Variants in PGPEP1 observed in about 807,000 individuals in gnomAD.
PGPEP1 encodes the protein pyroglutamyl-peptidase I, also known as pyroglutamyl-peptidase 1.
PGPEP1 carries 15 observed loss-of-function variants against 24.1 expected under a neutral mutation model. That is an observed-to-expected ratio of 0.62 (90% CI 0.42 to 0.96). PGPEP1 has a LOEUF of 0.96. Ranked by LOEUF, PGPEP1 falls within the 40% of genes least tolerant of loss-of-function variation. PGPEP1 has a pLI of 0.00. For missense variants in PGPEP1, 242 were observed against 273.4 expected (o/e 0.89, Z 0.81); for synonymous variants, 122 against 116.4 (o/e 1.05, Z -0.31).
At chr19:18,361,684 C>T (rs1240200688) in intron 4 of PGPEP1, 2 of 976,198 alleles carry the variant, frequency 2.0e-6, no homozygotes, top group African/African-American at 3.5e-5. Context: ...CTCTCTTTTT[C>T]CATAGCGGTC....
At chr19:18,361,386 G>A (rs1359547690) in intron 4 of PGPEP1, among the ~76,000 whole-genome samples, 3 of 151,972 alleles carry the variant, frequency 2.0e-5, no homozygotes, top group South Asian at 2.1e-4. Flanking sequence ...TGATCCACCC[G>A]CCTTGGCCTT....
chr19:18,340,870 G>A (rs540272440), intron 1 of PGPEP1, among the ~76,000 whole-genome samples, 155 bp downstream of exon 1: 53 of 152,318 alleles, frequency 3.5e-4, no homozygotes, highest in African/African-American at 1.2e-3. Context: ...CAGGCTTCCT[G>A]GAAAGTGGAG....
At position 18,340,645 on chromosome 19, in the gene PGPEP1, C is replaced by G; in HGVS notation, c.-37C>G. 6.6e-7 allele frequency: 1 copy of G among 1,525,546 alleles called. No individual in the cohort carries two copies. The highest frequency in any genetic ancestry group is 8.8e-7 in the Non-Finnish European group (1 of 1,140,186). The allele number at this position is 1,525,546 out of a possible 1,614,324, so 94.5% of individuals were successfully genotyped here. A position where few individuals can be genotyped will look rare whatever the true frequency, so the allele number is the denominator to read the frequency against. On this transcript the variant is annotated 5_prime_UTR_variant, in exon 1 of 5. Transcript: ENST00000269919. ...GCGGCAGCAGCTGTCGCGCCAGTCGCAACAGAAGCAGGTCCGAGGCACAGC... is the reference window on the plus strand; with the variant it reads ...GCGGCAGCAGCTGTCGCGCCAGTCGGAACAGAAGCAGGTCCGAGGCACAGC...
intron 4 of PGPEP1, among the ~76,000 whole-genome samples, chr19:18,362,076 G>A (rs1338702431): frequency 1.3e-5 from 2 of 152,086 alleles, no homozygotes; most frequent in African/African-American, 4.8e-5. Context: ...GTACTTTCTT[G>A]TACCCTTGTG....
At chr19:18,342,776 T>TCCAGGTGGGAGTAGCGGCCAGG (rs1219098337) in intron 1 of PGPEP1, 83 bp from the exon 2 acceptor site, 2 of 1,057,760 alleles carry the variant, frequency 1.9e-6, no homozygotes, top group Non-Finnish European at 2.9e-6. Flanking sequence ...TTCTTGCTTC[T>TCCAGGTGGGAGTAGCGGCCAGG]CCAGGTGGGA....
At chr19:18,345,793 G>A (rs143708868) in intron 2 of PGPEP1, among the ~76,000 whole-genome samples, 453 of 151,114 alleles carry the variant, frequency 3.0e-3, no homozygotes, top group African/African-American at 9.1e-3. Context: ...TAATCCTAGC[G>A]CTTTGGAAGG....
intron 2 of PGPEP1, among the ~76,000 whole-genome samples, chr19:18,351,722 C>T (rs931566081): frequency 9.2e-5 from 14 of 151,700 alleles, no homozygotes; most frequent in South Asian, 4.2e-4. Context: ...GTGGGAGGAT[C>T]GCTTGAGTCT....
chr19:18,363,363 C>T, intron 4 of PGPEP1, 28 bp from the exon 5 acceptor site: 2 of 1,588,870 alleles, frequency 1.3e-6, no homozygotes, highest in Non-Finnish European at 8.6e-7. Context: ...TTTGGTCTCT[C>T]TCTTACCCGC....
In PGPEP1 at chr19:18,345,556, C is replaced by CT. The variant is rs1016761373; in HGVS notation, c.87+2646dup. ...TGGCCAACATAGCAAGACCCCATCT[C>CT]TAAAAAAAAAAAAATACAAACAGCC... On this transcript the variant is annotated intron_variant, in intron 2 of 4. Transcript: ENST00000269919. Among the ~76,000 whole-genome samples, 33 of 147,406 alleles carry CT rather than the reference C, an allele frequency of 2.2e-4. 1 individual carries two copies. Among genetic ancestry groups the CT allele is most frequent in the Middle Eastern group, 3.4e-3 (1 of 290 alleles).
At position 18,352,865 on chromosome 19, in the gene PGPEP1, T is replaced by C. The variant is rs560042799; in HGVS notation, c.88-3030T>C. Among the ~76,000 whole-genome samples, 32 of 151,752 alleles carry C rather than the reference T, an allele frequency of 2.1e-4. No homozygotes were observed. The South Asian group carries it at 6.7e-3, about 32-fold the overall frequency. On this transcript the variant is annotated intron_variant, in intron 2 of 4. Coordinates refer to ENST00000269919, the MANE Select transcript of PGPEP1 (RefSeq NM_017712.4). ...GCCACCGTACTCAGCCACCTCTCAC[T>C]ATTATTCAACTTTTTCTGGGATACT...
rs909172535 is a variant in PGPEP1, at chr19:18,367,991, G to T, written c.*4408G>T. ...AGAAATTAAAAAAAAAAATTAGCCA[G>T]TTGTGGTGTCAAGCACCTGTAGTCC... On this transcript the variant is annotated 3_prime_UTR_variant, in exon 5 of 5. Transcript: ENST00000269919. 6.6e-6 allele frequency: 1 copy of T among 151,838 alleles called. No individual in the cohort carries two copies. Among genetic ancestry groups the T allele is most frequent in the African/African-American group, 2.4e-5 (1 of 41,270 alleles). The allele number at this position is 151,838 out of a possible 1,614,324, so 9.4% of individuals were successfully genotyped here. A position where few individuals can be genotyped will look rare whatever the true frequency, so the allele number is the denominator to read the frequency against.
chr19:18,342,285 C>A (rs1970692831), intron 1 of PGPEP1, among the ~76,000 whole-genome samples: 1 of 152,162 alleles, frequency 6.6e-6, no homozygotes, highest in Non-Finnish European at 1.5e-5. Context: ...CCTCTCTGTG[C>A]CTCAGTCCCT....
intron 2 of PGPEP1, among the ~76,000 whole-genome samples, chr19:18,353,452 C>T (rs368389104): frequency 6.6e-6 from 1 of 152,160 alleles, no homozygotes; most frequent in East Asian, 1.9e-4. Context: ...TAAAGCAATC[C>T]TCCTGCCTTG....
intron 4 of PGPEP1, among the ~76,000 whole-genome samples, chr19:18,359,067 C>T (rs1272590200): frequency 6.6e-6 from 1 of 151,936 alleles, no homozygotes; most frequent in Non-Finnish European, 1.5e-5. Context: ...GCAGGAGGAT[C>T]GCTTGAGCCC....
At chr19:18,352,508 G>C (rs913516333) in intron 2 of PGPEP1, among the ~76,000 whole-genome samples, 1 of 151,524 alleles carries the variant, frequency 6.6e-6, no homozygotes, top group Admixed American at 6.6e-5. Flanking sequence ...ATGGGAATTA[G>C]TGTAGGTTTG....
chr19:18,343,002 A>AAT, intron 2 of PGPEP1, 91 bp downstream of exon 2: 4 of 952,006 alleles, frequency 4.2e-6, no homozygotes, highest in Non-Finnish European at 6.6e-6. Flanking sequence ...TTTAACAAAA[A>AAT]CTTTTTTTTT....
In PGPEP1 at chr19:18,340,650, G is replaced by T. The variant is rs747036516; in HGVS notation, c.-32G>T. ...AGCAGCTGTCGCGCCAGTCGCAACA[G>T]AAGCAGGTCCGAGGCACAGCCCGAT... On this transcript the variant is annotated 5_prime_UTR_variant, in exon 1 of 5. Transcript: ENST00000269919. 1.4e-5 allele frequency: 22 copies of T among 1,531,812 alleles called. No homozygotes were observed. The Middle Eastern group carries it at 5.8e-4, about 40-fold the overall frequency. 94.9% of individuals were successfully genotyped at this position (1,531,812 alleles called of 1,614,324 possible).
intron 2 of PGPEP1, among the ~76,000 whole-genome samples, chr19:18,349,679 C>G (rs1408040552): frequency 6.6e-6 from 1 of 152,158 alleles, no homozygotes; most frequent in African/African-American, 2.4e-5. Flanking sequence ...ATAGAAGTCT[C>G]CCTCCCGTCC....
In PGPEP1 at chr19:18,368,293, T is replaced by C. The variant is rs1224943356; in HGVS notation, c.*4710T>C. The C allele has an allele frequency of 6.6e-6, 1 of 151,284 alleles. No homozygotes were observed. Among genetic ancestry groups the C allele is most frequent in the Non-Finnish European group, 1.5e-5 (1 of 67,876 alleles). The allele number at this position is 151,284 out of a possible 1,614,324, so 9.4% of individuals were successfully genotyped here. On this transcript the variant is annotated 3_prime_UTR_variant, in exon 5 of 5. Transcript: ENST00000269919. The stretch of plus-strand genomic sequence containing the variant: ...TCTCTACTAAAAATACAAAAATTAG[T>C]CAAGAGTGGATGGTGCGTGCCTGTA...
Sources: allele counts gnomAD v4.1 joint callset (sites outside exome capture counted in the v4.1 genomes callset), GRCh38; gene constraint gnomAD v4.1.1; transcripts MANE v1.5; gene names NCBI Gene and HGNC (gene_info 2026-07-23, HGNC 2026-07-21).